Variants in OR4Q3 observed in about 807,000 individuals in gnomAD.
The protein encoded by OR4Q3 is olfactory receptor family 4 subfamily Q member 3.
A neutral mutation model predicts 18.8 loss-of-function variants in OR4Q3; 17 were observed. The ratio of observed to expected loss-of-function variants is 0.91; its 90% CI spans 0.62 to 1.36. The LOEUF (loss-of-function observed/expected upper bound fraction) is 1.36, where lower values mean the gene tolerates loss of function less well. Among genes scored for constraint, OR4Q3 ranks in the 40% most tolerant of loss-of-function variants. OR4Q3 has a pLI of 0.00. For missense variants in OR4Q3, 378 were observed against 373.4 expected (o/e 1.01, Z -0.10); for synonymous variants, 158 against 145.8 (o/e 1.08, Z -0.60).
intron 1 of OR4Q3, among the ~76,000 whole-genome samples, chr14:19,746,075 C>T: frequency 6.6e-6 from 1 of 151,680 alleles, no homozygotes; most frequent in Non-Finnish European, 1.5e-5. Context: ...AATTTAAGTA[C>T]TTTTCTGCAT....
At chr14:19,751,441 G>T, downstream of OR4Q3, among the ~76,000 whole-genome samples, 17 of 152,176 alleles carry the variant, frequency 1.1e-4, no homozygotes, top group South Asian at 1.0e-3. Flanking sequence ...TTTGGGAATA[G>T]TTTCAGTAGG....
Position 19,745,857 on chromosome 14 carries a change from T to C in OR4Q3, c.3-1549T>C. 5.6e-4 allele frequency among the ~76,000 whole-genome samples: 85 copies of C among 152,278 alleles called. 1 individual carries two copies. In the East Asian group the frequency reaches 0.013, roughly 23 times the overall value. Reference sequence around the variant, plus strand: ...TTATTTTCCAATTGACTCTAGAAAGTGAGGTGATTCCTTCTATCAGTTATG... The same window carrying C: ...TTATTTTCCAATTGACTCTAGAAAGCGAGGTGATTCCTTCTATCAGTTATG... On this transcript the variant is annotated intron_variant, in intron 1 of 1. Transcript: ENST00000642117.
chr14:19,744,300 G>T (rs1877380947), intron 1 of OR4Q3, among the ~76,000 whole-genome samples: 1 of 151,280 alleles, frequency 6.6e-6, no homozygotes, highest in African/African-American at 2.4e-5. Context: ...TTCTATTGTT[G>T]AGGTAGTCAA....
At chr14:19,747,292 T>C in intron 1 of OR4Q3, 114 bp from the exon 2 acceptor site, 2 of 493,336 alleles carry the variant, frequency 4.1e-6, no homozygotes, top group African/African-American at 2.0e-5. Context: ...TATTACCCGA[T>C]AAAACTTGCT....
intron 1 of OR4Q3, among the ~76,000 whole-genome samples, chr14:19,745,670 T>C: frequency 1.3e-5 from 2 of 152,198 alleles, no homozygotes; most frequent in Non-Finnish European, 2.9e-5. Context: ...TAATTATACA[T>C]TTTAGATAAC....
chr14:19,748,342 A>T, exon 2 of OR4Q3: 1 of 1,610,420 alleles, frequency 6.2e-7, no homozygotes, highest in Non-Finnish European at 8.5e-7. Flanking sequence ...TGAGGATAAA[A>T]CCATGTGGCA....
chr14:19,745,405 T>A, intron 1 of OR4Q3, among the ~76,000 whole-genome samples: 1 of 152,166 alleles, frequency 6.6e-6, no homozygotes, highest in African/African-American at 2.4e-5. Context: ...ATATGTTCGG[T>A]GGAAAAAACA....
At chr14:19,750,558 A>C, downstream of OR4Q3, among the ~76,000 whole-genome samples, 1 of 152,270 alleles carries the variant, frequency 6.6e-6, no homozygotes, top group African/African-American at 2.4e-5. Context: ...ACCTGTGAAA[A>C]AAATGTCTGA....
At chr14:19,752,252 A>T, downstream of OR4Q3, among the ~76,000 whole-genome samples, 1 of 152,248 alleles carries the variant, frequency 6.6e-6, no homozygotes, top group Admixed American at 6.5e-5. Flanking sequence ...AATGGGAGAA[A>T]ATATTTGCAA....
At chr14:19,748,146 C>G in exon 2 of OR4Q3, 3 of 1,614,074 alleles carry the variant, frequency 1.9e-6, no homozygotes, top group Non-Finnish European at 1.7e-6. Flanking sequence ...GTCTTCTCTA[C>G]CTGTGCTTCT....
intron 1 of OR4Q3, among the ~76,000 whole-genome samples, chr14:19,746,172 G>T: frequency 6.6e-6 from 1 of 151,940 alleles, no homozygotes; most frequent in East Asian, 1.9e-4. Flanking sequence ...GTGCAACATG[G>T]ATTACAAAGC....
chr14:19,750,247 A>T, downstream of OR4Q3, among the ~76,000 whole-genome samples: 2 of 152,118 alleles, frequency 1.3e-5, no homozygotes, highest in Admixed American at 6.5e-5. Context: ...AGCCTCTCAA[A>T]GTGCTGGGAT....
chr14:19,745,913 C>T, intron 1 of OR4Q3, among the ~76,000 whole-genome samples: 13 of 152,230 alleles, frequency 8.5e-5, no homozygotes, highest in East Asian at 7.7e-4. Flanking sequence ...CCTGTGCACT[C>T]GGCTATATAG....
At chr14:19,747,621 G>T in exon 2 of OR4Q3, 1 of 1,613,928 alleles carries the variant, frequency 6.2e-7, no homozygotes, top group Admixed American at 1.7e-5. Flanking sequence ...TATTTTTTAG[G>T]TCATCTCTCT....
At chr14:19,749,847 CTTCT>C, downstream of OR4Q3, among the ~76,000 whole-genome samples, 2,178 of 113,760 alleles carry the variant, frequency 0.019, 20 homozygotes, top group African/African-American at 0.054. Flanking sequence ...ATACAGATTA[CTTCT>C]TTCTTTCTTT....
chr14:19,748,045 G>C lies in OR4Q3; in HGVS notation c.642G>C (p.Leu214=). 3 of 1,614,042 alleles carry C rather than the reference G, an allele frequency of 1.9e-6. No homozygotes were observed. In the Admixed American group the frequency reaches 5.0e-5, roughly 27 times the overall value. The change falls in exon 2 of 2, where the codon CTG becomes CTC. Residue 214 remains leucine, a synonymous_variant. Coordinates refer to ENST00000642117, the Ensembl canonical transcript of OR4Q3. ...TGCTGGTGATAGCCAACAGTGGTCT[G>C]CTGTCTCTTGTCTGCTTCTTGGTCT...
At chr14:19,750,659 T>C, downstream of OR4Q3, among the ~76,000 whole-genome samples, 1 of 152,234 alleles carries the variant, frequency 6.6e-6, no homozygotes, top group Non-Finnish European at 1.5e-5. Context: ...TATGTATTTT[T>C]ATTTTTGTGT....
chr14:19,747,440 C>G, exon 2 of OR4Q3: 5 of 1,599,338 alleles, frequency 3.1e-6, no homozygotes, highest in Admixed American at 1.8e-5. Flanking sequence ...GAAAAAAGAA[C>G]AAGATTCTAA....
chr14:19,748,209 G>A, exon 2 of OR4Q3: 3 of 1,613,910 alleles, frequency 1.9e-6, no homozygotes, highest in African/African-American at 2.7e-5. Context: ...ATCTATTTGA[G>A]GCCTTTCTGC....
Sources: allele counts gnomAD v4.1 joint callset (sites outside exome capture counted in the v4.1 genomes callset), GRCh38; gene constraint gnomAD v4.1.1; transcripts MANE v1.5; gene names NCBI Gene and HGNC (gene_info 2026-07-23, HGNC 2026-07-21).